The following HUWE1 variants were observed in gnomAD, a reference collection of about 807,000 sequenced individuals.
HUWE1 encodes the protein E3 ubiquitin-protein ligase HUWE1.
In HUWE1, 18 loss-of-function variants were observed where a neutral mutation model predicts 299.4. That is an observed-to-expected ratio of 0.06 (90% CI 0.04 to 0.09). The LOEUF is 0.09. Among genes scored for constraint, HUWE1 ranks in the 10% least tolerant of loss-of-function variants. HUWE1 has a pLI of 1.00. For synonymous variants in HUWE1, 1,317 were observed against 1,286.1 expected (o/e 1.02, Z -0.51); for missense variants, 1,832 against 3,462.3 (o/e 0.53, Z 11.82).
At chrX:53,635,828 A>C (rs1043533036) in intron 7 of HUWE1, among the ~76,000 whole-genome samples, 65 of 111,874 alleles carry the variant, frequency 5.8e-4, no homozygotes, top group African/African-American at 2.1e-3. Context: ...TCTCAAAAAC[A>C]AACAGTGTAA....
rs781957268 is a variant in HUWE1 at position 53,551,191 on chromosome X, T to A, written c.9097-2A>T. The A allele has an allele frequency of 8.3e-7, 1 of 1,211,564 alleles. No individual in the cohort carries two copies. On this transcript the variant is annotated splice_acceptor_variant, in intron 64 of 83. Transcript: ENST00000262854. LOFTEE classifies it high-confidence loss of function. ...CTCAGCTCTCTGCTGTGCCAGTACCTATGGAGCAGAAAAAGTCAATGAGGG... is the reference window on the plus strand; with the variant it reads ...CTCAGCTCTCTGCTGTGCCAGTACCAATGGAGCAGAAAAAGTCAATGAGGG...
chrX:53,537,266 A>G, intron 78 of HUWE1: 1 of 352,156 alleles, frequency 2.8e-6, no homozygotes, highest in Non-Finnish European at 5.1e-6. Flanking sequence ...TTCCTAGTAT[A>G]GCAATATTAA....
intron 43 of HUWE1, among the ~76,000 whole-genome samples, chrX:53,579,274 G>C (rs1602813439): frequency 5.9e-5 from 5 of 85,258 alleles, no homozygotes; most frequent in Admixed American, 1.2e-4. Context: ...CCCCTACTGG[G>C]AAGTGAGGAG....
chrX:53,538,966 G>A lies in HUWE1; in HGVS notation c.11747C>T (p.Pro3916Leu), dbSNP rs1430366832. The change falls in exon 76 of 84, where the codon CCT becomes CTT. Residue 3916 changes from proline (P) to leucine (L), a missense_variant. Around this residue, in one of 15 missense-constraint regions of HUWE1, gnomAD observed 129 missense variants for 439.4 expected, o/e 0.29. Transcript: ENST00000262854. ...GGTTAAGGGGGCAGGGGAGAGTGGA[G>A]GAGGCTCGTCCTTGATGTGTGCCAG... ...SQLAHIKDEP[P>L]PLSPAPLTPA... is the part of the protein sequence containing the mutation. 3 of 1,205,697 alleles carry A rather than the reference G, an allele frequency of 2.5e-6. No individual in the cohort carries two copies. In the Admixed American group the frequency reaches 6.6e-5, roughly 27 times the overall value.
In HUWE1 at chrX:53,550,926, T is replaced by C. The variant is rs2281481; in HGVS notation, c.9360A>G (p.Ala3120=). The C allele has an allele frequency of 4.6e-3, 5,610 of 1,209,198 alleles. 271 individuals carry two copies. The East Asian group carries it at 0.14, about 31-fold the overall frequency. Residue 3120 remains alanine, a synonymous_variant, in exon 65 of 84, where the codon GCA becomes GCG. Transcript: ENST00000262854. The stretch of plus-strand genomic sequence containing the variant: ...CCGGGCTTCGGAGAATAGCAGAGAG[T>C]GCGGAGGTGCTACTGTGCCCAAACA... The part of the protein sequence containing the change: ...ERLFGHSSTS[A]LSAILRSPAF...
rs185681299 is a variant in HUWE1, at chrX:53,554,045, G to A, written c.8494+588C>T. The stretch of plus-strand genomic sequence containing the variant: ...AACAGTGTCTGCCAGGAGAATGGGA[G>A]AGCTCTAAGTGTGGGATGACATGCT... On this transcript the variant is annotated intron_variant, in intron 61 of 83. Transcript: ENST00000262854. Among the ~76,000 whole-genome samples, 109 of 110,786 alleles carry A rather than the reference G, an allele frequency of 9.8e-4. 1 individual carries two copies. The highest frequency in any genetic ancestry group is 3.3e-3 in the African/African-American group (102 of 30,526).
At chrX:53,668,327 A>T (rs1603268871) in intron 3 of HUWE1, among the ~76,000 whole-genome samples, 1 of 109,135 alleles carries the variant, frequency 9.2e-6, no homozygotes, top group East Asian at 2.9e-4. Context: ...CTGTAGTCCC[A>T]GCTACTCGGG....
Position 53,592,476 on chromosome X carries a change from A to G in HUWE1, c.3894T>C (p.Ser1298=). Residue 1298 remains serine (S), a synonymous_variant, in exon 33 of 84, where the codon TCT becomes TCC. Coordinates refer to ENST00000262854, the MANE Select transcript of HUWE1 (RefSeq NM_031407.7). The part of the protein sequence containing the change: ...RERLSKEKEG[S]RGEEDTGQEE... ...CTTGCCCTGTATCCTCTTCTCCTCG[A>G]GACCCCTCCTTCTCCTTGCTTAGTC... 1 of 1,210,953 alleles carries G rather than the reference A, an allele frequency of 8.3e-7. No homozygotes were observed. Among genetic ancestry groups the G allele is most frequent in the Non-Finnish European group, 1.1e-6 (1 of 895,171 alleles).
intron 49 of HUWE1, among the ~76,000 whole-genome samples, chrX:53,566,111 GTA>G (rs1174789042): frequency 5.8e-4 from 28 of 48,446 alleles, no homozygotes; most frequent in South Asian, 1.7e-3. Context: ...ATGTATGTAT[GTA>G]TGTATGTGTG....
At chrX:53,572,700 A>C (rs1556952884) in intron 47 of HUWE1, among the ~76,000 whole-genome samples, 1 of 112,284 alleles carries the variant, frequency 8.9e-6, no homozygotes, top group African/African-American at 3.2e-5. Flanking sequence ...CCACAGCTCT[A>C]CTAATGAACA....
chrX:53,640,216 C>T (rs1456265609), intron 7 of HUWE1, among the ~76,000 whole-genome samples: 2 of 111,335 alleles, frequency 1.8e-5, no homozygotes, highest in African/African-American at 3.3e-5. Flanking sequence ...AAAAATTAGC[C>T]GGGTGTGGTG....
At chrX:53,635,464 A>G (rs2067147749) in intron 7 of HUWE1, among the ~76,000 whole-genome samples, 1 of 110,223 alleles carries the variant, frequency 9.1e-6, no homozygotes, top group Non-Finnish European at 1.9e-5. Flanking sequence ...GACTACAGGC[A>G]TATGCTGCCA....
At chrX:53,590,237 T>C (rs1556977617) in intron 35 of HUWE1, among the ~76,000 whole-genome samples, 167 bp downstream of exon 35, 3 of 112,335 alleles carry the variant, frequency 2.7e-5, no homozygotes, top group Non-Finnish European at 3.8e-5. Context: ...TTCAGGTCAA[T>C]ACAAGGTAGC....
chrX:53,583,453 T>G (rs2063722804), intron 42 of HUWE1, 105 bp downstream of exon 42: 3 of 608,599 alleles, frequency 4.9e-6, no homozygotes, highest in Non-Finnish European at 8.5e-6. Context: ...TATACATATC[T>G]AGCTATATAC....
At position 53,637,454 on chromosome X, in the gene HUWE1, CA is replaced by C. The variant is rs1389620686; in HGVS notation, c.505-3157del. On this transcript the variant is annotated intron_variant, in intron 7 of 83. Transcript: ENST00000262854. The stretch of plus-strand genomic sequence containing the variant: ...CAGAGAACAGACAGGTAAGTCAAAC[CA>C]AAAGTCTGAATCTGCAAGGCAGAAT... 6.2e-5 allele frequency among the ~76,000 whole-genome samples: 7 copies of C among 112,388 alleles called. No individual in the cohort carries two copies. The South Asian group carries it at 2.5e-3, about 41-fold the overall frequency.
intron 40 of HUWE1, among the ~76,000 whole-genome samples, chrX:53,584,674 A>G (rs1351689716): frequency 9.0e-6 from 1 of 111,324 alleles, no homozygotes; most frequent in Non-Finnish European, 1.9e-5. Context: ...CCTTAGGAAG[A>G]CTCGATTTTC....
chrX:53,562,987 G>A, intron 52 of HUWE1, 58 bp from the exon 53 acceptor site: 1 of 1,013,042 alleles, frequency 9.9e-7, no homozygotes, highest in Non-Finnish European at 1.4e-6. Flanking sequence ...TTTCCAGACT[G>A]GGTGCGTCTA....
intron 7 of HUWE1, among the ~76,000 whole-genome samples, chrX:53,640,359 CA>C (rs1304491076): frequency 3.7e-5 from 4 of 109,573 alleles, no homozygotes; most frequent in Non-Finnish European, 7.6e-5. Context: ...GACTCTGTCT[CA>C]AAAAAAATAA....
At chrX:53,550,532 T>C in intron 66 of HUWE1, 134 bp downstream of exon 66, 1 of 585,040 alleles carries the variant, frequency 1.7e-6, no homozygotes, top group East Asian at 3.5e-5. Flanking sequence ...GCTCTCTCAC[T>C]TATTCAAGGA....
Sources: allele counts gnomAD v4.1 joint callset (sites outside exome capture counted in the v4.1 genomes callset), GRCh38; gene constraint gnomAD v4.1.1; regional missense constraint gnomAD v4.1.1; transcripts MANE v1.5; gene names NCBI Gene and HGNC (gene_info 2026-07-23, HGNC 2026-07-21).